RPGRIP1: variants seen among roughly 807,000 people sequenced by gnomAD.
RPGRIP1 encodes X-linked retinitis pigmentosa GTPase regulator-interacting protein 1.
Under a neutral mutation model 157.9 loss-of-function variants are expected in RPGRIP1, and 128 were observed. That is an observed-to-expected ratio of 0.81 (90% CI 0.70 to 0.94). The LOEUF (loss-of-function observed/expected upper bound fraction) is 0.94. Ranked by LOEUF, RPGRIP1 falls within the 40% of genes least tolerant of loss-of-function variation. The probability of loss-of-function intolerance (pLI) is 0.00; values close to 1 mark genes in which losing one functional copy is unlikely to be tolerated. For missense variants in RPGRIP1, 1,486 were observed against 1,545.8 expected (o/e 0.96, Z 0.65); for synonymous variants, 554 against 571.6 (o/e 0.97, Z 0.44).
chr14:21,341,922 T>C (rs972918673), intron 21 of RPGRIP1, among the ~76,000 whole-genome samples: 5 of 151,580 alleles, frequency 3.3e-5, no homozygotes, highest in South Asian at 2.1e-4. Context: ...TGGTGGCGGG[T>C]GCCTGTAGTC....
chr14:21,293,702 C>T (rs1880631212), intron 2 of RPGRIP1, among the ~76,000 whole-genome samples: 2 of 152,178 alleles, frequency 1.3e-5, no homozygotes, highest in South Asian at 4.1e-4. Context: ...CATGGAGAAA[C>T]CCCGTCTCTA....
rs1191991635 is a variant in RPGRIP1, at chr14:21,324,719, C to T, written c.1864C>T (p.His622Tyr). 1 of 1,613,904 alleles carries T rather than the reference C, an allele frequency of 6.2e-7. No individual in the cohort carries two copies. The highest frequency in any genetic ancestry group is 8.5e-7 in the Non-Finnish European group (1 of 1,179,878). Reference protein sequence around the residue: ...DEDKVDISLLHQGENLFELHI... With the variant: ...DEDKVDISLLYQGENLFELHI... ...GGATAAAGTGGATATTTCTCTGCTG[C>T]ATCAGGGTGAGAATCTTTTTGAACT... Residue 622 changes from histidine (H) to tyrosine (Y), a missense_variant, in exon 15 of 25, where the codon CAT (histidine) becomes TAT (tyrosine). Physicochemically the swap from His to Tyr is moderately conservative, Grantham distance 83. Transcript: ENST00000400017.
chr14:21,331,470 T>C (rs1883782662), intron 20 of RPGRIP1, among the ~76,000 whole-genome samples: 2 of 151,984 alleles, frequency 1.3e-5, no homozygotes, highest in South Asian at 4.2e-4. Flanking sequence ...TGCAGTGAGC[T>C]GAGATTATAC....
chr14:21,325,791 A>G, intron 16 of RPGRIP1, 40 bp from the exon 17 acceptor site: 1 of 1,478,668 alleles, frequency 6.8e-7, no homozygotes. Context: ...AACAGTCTCA[A>G]GCTGCCCTTT....
Position 21,320,016 on chromosome 14 carries a change from G to A in RPGRIP1, c.1307-1G>A, listed in dbSNP as rs1038497870. On this transcript the variant is annotated splice_acceptor_variant, in intron 11 of 24. Coordinates refer to ENST00000400017, the MANE Select transcript of RPGRIP1 (RefSeq NM_020366.4). LOFTEE classifies it high-confidence loss of function. ...CACATTTCTGGATTATTTTTCCCCAGCCCAAAATGAGGATCTGAAGCTTGA... is the reference window on the plus strand; with the variant it reads ...CACATTTCTGGATTATTTTTCCCCAACCCAAAATGAGGATCTGAAGCTTGA... The A allele has an allele frequency of 1.9e-6, 3 of 1,608,850 alleles. No individual in the cohort carries two copies. Among genetic ancestry groups the A allele is most frequent in the African/African-American group, 1.3e-5 (1 of 74,778 alleles).
At chr14:21,297,129 T>A (rs753933293) in intron 3 of RPGRIP1, among the ~76,000 whole-genome samples, 1 of 152,116 alleles carries the variant, frequency 6.6e-6, no homozygotes, top group Non-Finnish European at 1.5e-5. Flanking sequence ...AGTCCTGCTG[T>A]GTCACTCAGG....
chr14:21,286,152 G>A (rs888372220), intron 1 of RPGRIP1, among the ~76,000 whole-genome samples: 4 of 151,956 alleles, frequency 2.6e-5, no homozygotes, highest in Non-Finnish European at 5.9e-5. Context: ...ACCACGCCCG[G>A]CTAATTTTTT....
At chr14:21,317,453 T>C in intron 10 of RPGRIP1, 1 of 886,868 alleles carries the variant, frequency 1.1e-6, no homozygotes, top group East Asian at 2.7e-5. Context: ...TGGATATGAC[T>C]TGGGGTGTTT....
At chr14:21,302,126 T>C (rs1881062017) in intron 4 of RPGRIP1, among the ~76,000 whole-genome samples, 1 of 152,122 alleles carries the variant, frequency 6.6e-6, no homozygotes, top group African/African-American at 2.4e-5. Context: ...AGTAGAAAAC[T>C]TGCATGAATT....
chr14:21,316,503 G>A (rs374714633), intron 10 of RPGRIP1, among the ~76,000 whole-genome samples: 1 of 151,876 alleles, frequency 6.6e-6, no homozygotes, highest in Non-Finnish European at 1.5e-5. Flanking sequence ...TGCAGTGTCC[G>A]CCTGCTGGGT....
At chr14:21,306,855 A>G (rs1340330208) in intron 6 of RPGRIP1, among the ~76,000 whole-genome samples, 1 of 150,494 alleles carries the variant, frequency 6.6e-6, no homozygotes, top group African/African-American at 2.5e-5. Flanking sequence ...GGCTCACTGC[A>G]ACCTCCCCCT....
chr14:21,290,540 G>A (rs138499910), intron 2 of RPGRIP1, among the ~76,000 whole-genome samples: 3 of 152,136 alleles, frequency 2.0e-5, no homozygotes, highest in African/African-American at 4.8e-5. Flanking sequence ...GGCCGGGCAC[G>A]GTGGCTCATG....
chr14:21,339,996 A>G (rs1036704060), intron 21 of RPGRIP1, among the ~76,000 whole-genome samples: 1 of 152,172 alleles, frequency 6.6e-6, no homozygotes, highest in Non-Finnish European at 1.5e-5. Flanking sequence ...GAGTTGAACT[A>G]GGATAGGTGT....
rs1167281957 is a variant in RPGRIP1 at position 21,303,375 on chromosome 14, G to C, written c.632G>C (p.Ser211Thr). ...ATAATTTCTTTCAGCAGTGTCATAA[G>C]TATGGCTAAACCCATTGGTCTATGC... The part of the protein sequence containing the change: ...NSIISFSSVI[S>T]MAKPIGLCMP... Residue 211 changes from serine to threonine, a missense_variant, in exon 6 of 25, where the codon AGT becomes ACT. Transcript: ENST00000400017. 1 of 1,613,754 alleles carries C rather than the reference G, an allele frequency of 6.2e-7. No homozygotes were observed. Among genetic ancestry groups the C allele is most frequent in the East Asian group, 2.2e-5 (1 of 44,876 alleles).
At position 21,302,362 on chromosome 14, in the gene RPGRIP1, T is replaced by C. The variant is rs986101262; in HGVS notation, c.491-126T>C. 2.9e-5 allele frequency: 13 copies of C among 452,178 alleles called. No individual in the cohort carries two copies. In the East Asian group the frequency reaches 4.5e-4, roughly 16 times the overall value. The allele number at this position is 452,178 out of a possible 1,614,324, so 28.0% of individuals were successfully genotyped here. A position where few individuals can be genotyped will look rare whatever the true frequency, so the allele number is the denominator to read the frequency against. On this transcript the variant is annotated intron_variant, in intron 4 of 24. Transcript: ENST00000400017. ...AAAAAAAACTGCTCCTCGGGGACCA[T>C]TTGTCATACAAGGGTTTCACCCAGG... is the stretch of plus-strand genomic sequence containing the variant.
intron 13 of RPGRIP1, 147 bp from the exon 14 acceptor site, chr14:21,321,707 G>T (rs551413465): frequency 7.7e-6 from 7 of 903,970 alleles, no homozygotes; most frequent in Non-Finnish European, 9.8e-6. Flanking sequence ...TCTTGGAGGG[G>T]TCTGCAAGGA....
intron 7 of RPGRIP1, among the ~76,000 whole-genome samples, chr14:21,309,507 CAAAAAAA>C (rs1881458659): frequency 6.7e-6 from 1 of 150,346 alleles, no homozygotes; most frequent in Non-Finnish European, 1.5e-5. Context: ...GACTTTGTCT[CAAAAAAA>C]GAAAAAAGAA....
chr14:21,322,807 C>T lies in RPGRIP1; in HGVS notation c.1762+803C>T, dbSNP rs117956819. On this transcript the variant is annotated intron_variant, in intron 14 of 24. Coordinates refer to ENST00000400017, the MANE Select transcript of RPGRIP1 (RefSeq NM_020366.4). ...CTTTGTTGCAATTTGAGGATGCTGACAGTGACAGGGCAGCTGGCTGGACAC... is the reference window on the plus strand; with the variant it reads ...CTTTGTTGCAATTTGAGGATGCTGATAGTGACAGGGCAGCTGGCTGGACAC... Among the ~76,000 whole-genome samples the T allele has an allele frequency of 4.2e-3, 635 of 152,292 alleles. 9 individuals carry two copies. The highest frequency in any genetic ancestry group is 8.1e-3 in the Non-Finnish European group (549 of 68,028).
chr14:21,297,879 T>TTCTTTCTC (rs1566670186), intron 3 of RPGRIP1, among the ~76,000 whole-genome samples: 5 of 150,834 alleles, frequency 3.3e-5, no homozygotes, highest in African/African-American at 9.8e-5. Context: ...CTTTCTTTCT[T>TTCTTTCTC]TTTTTTGAGA....
Sources: allele counts gnomAD v4.1 joint callset (sites outside exome capture counted in the v4.1 genomes callset), GRCh38; gene constraint gnomAD v4.1.1; transcripts MANE v1.5; gene names NCBI Gene and HGNC (gene_info 2026-07-23, HGNC 2026-07-21).